The following CDH10 variants were observed in gnomAD, a reference collection of about 807,000 sequenced individuals.
CDH10 encodes the protein cadherin 10, also known as cadherin-10.
CDH10 carries 30 observed loss-of-function variants against 73.1 expected under a neutral mutation model. That is an observed-to-expected ratio of 0.41 (90% CI 0.31 to 0.56). The LOEUF (loss-of-function observed/expected upper bound fraction) is 0.56, where lower values mean the gene tolerates loss of function less well. CDH10 is among the 20% of genes least tolerant of loss of function. CDH10 has a pLI of 0.27. For missense variants in CDH10, 815 were observed against 973.7 expected, an observed-to-expected ratio of 0.84 and a Z score of 2.17; for synonymous variants, 345 against 348.2, an observed-to-expected ratio of 0.99 and a Z score of 0.10.
chr5:24,620,681 C>A (rs1458335744), intron 1 of CDH10, among the ~76,000 whole-genome samples: 1 of 152,076 alleles, frequency 6.6e-6, no homozygotes, highest in Non-Finnish European at 1.5e-5. Context: ...GGGAAATCAA[C>A]TTTGAATATG....
At chr5:24,530,224 G>T (rs1450562547) in intron 5 of CDH10, among the ~76,000 whole-genome samples, 1 of 151,406 alleles carries the variant, frequency 6.6e-6, no homozygotes, top group African/African-American at 2.4e-5. Flanking sequence ...GATGGAATTA[G>T]CCAGGCCTCA....
chr5:24,550,351 A>G (rs1486181393), intron 2 of CDH10, among the ~76,000 whole-genome samples: 1 of 152,080 alleles, frequency 6.6e-6, no homozygotes, highest in East Asian at 1.9e-4. Context: ...CCCACCATCA[A>G]CATCCAGGCT....
At chr5:24,541,709 T>C (rs551056575) in intron 2 of CDH10, among the ~76,000 whole-genome samples, 18 of 152,226 alleles carry the variant, frequency 1.2e-4, no homozygotes, top group African/African-American at 3.1e-4. Context: ...GTAACACCTG[T>C]TCTTCAGTGT....
intron 9 of CDH10, among the ~76,000 whole-genome samples, chr5:24,497,455 C>G (rs1407209791): frequency 6.6e-6 from 1 of 151,996 alleles, no homozygotes; most frequent in African/African-American, 2.4e-5. Flanking sequence ...ATTTCCATAA[C>G]ATTTTCAAGT....
At position 24,537,528 on chromosome 5, in the gene CDH10, A is replaced by G. The variant is rs750175303; in HGVS notation, c.378T>C (p.Thr126=). The G allele has an allele frequency of 1.2e-5, 20 of 1,613,424 alleles. No homozygotes were observed. The South Asian group carries it at 2.0e-4, about 16-fold the overall frequency. The change falls in exon 3 of 12, where the codon ACT becomes ACC. Residue 126 remains threonine, a synonymous_variant. Transcript: ENST00000264463. ...RIDREEKAFY[T]LRAQAINRRT... ...TTCTGTTAATAGCTTGTGCGCGTAGAGTATAAAAGGCCTTTTCCTCCCTAT... is the reference window on the plus strand; with the variant it reads ...TTCTGTTAATAGCTTGTGCGCGTAGGGTATAAAAGGCCTTTTCCTCCCTAT...
At chr5:24,563,034 C>T (rs1171561309) in intron 2 of CDH10, among the ~76,000 whole-genome samples, 1 of 152,108 alleles carries the variant, frequency 6.6e-6, no homozygotes, top group Non-Finnish European at 1.5e-5. Context: ...TTATCATAAT[C>T]CAATTACCAT....
intron 7 of CDH10, among the ~76,000 whole-genome samples, chr5:24,507,122 A>T (rs1742725705): frequency 6.6e-6 from 1 of 152,178 alleles, no homozygotes; most frequent in South Asian, 2.1e-4. Flanking sequence ...CATTCACAAG[A>T]TATGACACAA....
At chr5:24,511,919 TG>T (rs1742927114) in intron 5 of CDH10, among the ~76,000 whole-genome samples, 1 of 151,940 alleles carries the variant, frequency 6.6e-6, no homozygotes, top group South Asian at 2.1e-4. Context: ...CACTCATAAG[TG>T]GGAGCTAAAT....
At chr5:24,623,422 AT>A (rs1278483997) in intron 1 of CDH10, among the ~76,000 whole-genome samples, 1 of 152,186 alleles carries the variant, frequency 6.6e-6, no homozygotes, top group African/African-American at 2.4e-5. Flanking sequence ...CGCATAACAA[AT>A]TTTAAAAGAG....
At chr5:24,548,548 T>C (rs2319446) in intron 2 of CDH10, among the ~76,000 whole-genome samples, 140,499 of 147,768 alleles carry the variant, frequency 0.95, 66,885 homozygotes, top group East Asian at 1. Flanking sequence ...TTTGATGGGG[T>C]CCAATGGTAT....
chr5:24,557,651 T>C (rs1487346702), intron 2 of CDH10, among the ~76,000 whole-genome samples: 1 of 151,670 alleles, frequency 6.6e-6, no homozygotes, highest in Non-Finnish European at 1.5e-5. Context: ...TTCTAGTCAG[T>C]TTATAAAAGA....
intron 1 of CDH10, among the ~76,000 whole-genome samples, chr5:24,607,434 A>C (rs1352463229): frequency 6.6e-6 from 1 of 152,206 alleles, no homozygotes; most frequent in East Asian, 1.9e-4. Context: ...ATTATTTATA[A>C]GAAGGAAAGT....
At chr5:24,511,194 T>TATGC (rs1346415852) in intron 6 of CDH10, 133 bp downstream of exon 6, 6 of 641,936 alleles carry the variant, frequency 9.3e-6, no homozygotes, top group Non-Finnish European at 1.6e-5. Context: ...CTTTCTTATG[T>TATGC]ATGCACAGTA....
chr5:24,549,803 C>T (rs1016520159), intron 2 of CDH10, among the ~76,000 whole-genome samples: 39 of 152,080 alleles, frequency 2.6e-4, no homozygotes, highest in African/African-American at 8.5e-4. Flanking sequence ...CTGCTCGCCT[C>T]AGCCTCCCAA....
At chr5:24,495,472 G>C (rs1039757899) in intron 9 of CDH10, among the ~76,000 whole-genome samples, 1 of 152,172 alleles carries the variant, frequency 6.6e-6, no homozygotes, top group African/African-American at 2.4e-5. Flanking sequence ...TAGAAAACTG[G>C]TTAAGTTTTC....
At chr5:24,524,822 A>AT (rs550000249) in intron 5 of CDH10, among the ~76,000 whole-genome samples, 135 of 152,232 alleles carry the variant, frequency 8.9e-4, no homozygotes, top group African/African-American at 3.2e-3. Flanking sequence ...GGCTACATAA[A>AT]TAAGTGCACT....
At chr5:24,608,424 C>A (rs1746834061) in intron 1 of CDH10, among the ~76,000 whole-genome samples, 1 of 152,054 alleles carries the variant, frequency 6.6e-6, no homozygotes, top group East Asian at 1.9e-4. Flanking sequence ...TCCCGAGTAA[C>A]TGGGACTAGA....
At chr5:24,535,045 T>G in intron 5 of CDH10, 67 bp downstream of exon 5, 1 of 1,380,916 alleles carries the variant, frequency 7.2e-7, no homozygotes, top group East Asian at 2.4e-5. Context: ...TTTCTTTTTC[T>G]TTCTTTGTCT....
intron 2 of CDH10, among the ~76,000 whole-genome samples, chr5:24,554,715 G>A (rs1415901475): frequency 1.3e-5 from 2 of 152,006 alleles, no homozygotes; most frequent in African/African-American, 4.8e-5. Context: ...AAAAGAGAAA[G>A]ACTATTCTGA....
Sources: allele counts gnomAD v4.1 joint callset (sites outside exome capture counted in the v4.1 genomes callset), GRCh38; gene constraint gnomAD v4.1.1; transcripts MANE v1.5; gene names NCBI Gene and HGNC (gene_info 2026-07-23, HGNC 2026-07-21).